The following CYREN variants were observed in gnomAD, a reference collection of about 807,000 sequenced individuals.
CYREN encodes cell cycle regulator of non-homologous end joining.
CYREN carries 7 observed loss-of-function variants against 9.7 expected under a neutral mutation model. That is an observed-to-expected ratio of 0.72 (90% CI 0.41 to 1.36). CYREN has a LOEUF of 1.36. Ranked by LOEUF, CYREN falls within the 40% of genes most tolerant of loss-of-function variation. CYREN has a pLI of 0.01. For missense variants in CYREN, 215 were observed against 198.1 expected, an observed-to-expected ratio of 1.09 and a Z score of -0.51; for synonymous variants, 76 against 77.9, an observed-to-expected ratio of 0.98 and a Z score of 0.13.
intron 2 of CYREN, among the ~76,000 whole-genome samples, chr7:135,157,857 C>A (rs1829833696): frequency 6.6e-6 from 1 of 152,140 alleles, no homozygotes; most frequent in South Asian, 2.1e-4. Context: ...ATTGTTAATT[C>A]AGACTGGTTA....
chr7:135,109,463 C>T (rs10227757), intron 2 of CYREN, among the ~76,000 whole-genome samples: 2,895 of 152,078 alleles, frequency 0.019, 104 homozygotes, highest in African/African-American at 0.065. Flanking sequence ...AGGATGGGGG[C>T]CCACATAACA....
intron 2 of CYREN, among the ~76,000 whole-genome samples, chr7:135,104,207 G>A (rs1167275170): frequency 6.6e-6 from 1 of 152,054 alleles, no homozygotes; most frequent in Admixed American, 6.6e-5. Context: ...TAAGGTTAAT[G>A]GCCTCCACCT....
chr7:135,156,561 TTTTA>T (rs1393004926), intron 2 of CYREN, among the ~76,000 whole-genome samples: 5 of 152,134 alleles, frequency 3.3e-5, no homozygotes. Context: ...TTCTGCTTGT[TTTTA>T]TTTAAGATGT....
chr7:135,131,551 G>T (rs1227807616), intron 2 of CYREN, among the ~76,000 whole-genome samples: 2 of 151,770 alleles, frequency 1.3e-5, no homozygotes, highest in Non-Finnish European at 2.9e-5. Context: ...TATAGCTAAA[G>T]CAGTACTGAT....
chr7:135,169,742 C>T (rs1484406050), intron 1 of CYREN, among the ~76,000 whole-genome samples: 1 of 152,180 alleles, frequency 6.6e-6, no homozygotes, highest in Admixed American at 6.5e-5. Flanking sequence ...GGAGTTGTGA[C>T]TCAGAGGGCC....
chr7:135,150,173 T>C (rs983297073), intron 2 of CYREN, among the ~76,000 whole-genome samples: 3 of 152,196 alleles, frequency 2.0e-5, no homozygotes, highest in Admixed American at 1.3e-4. Context: ...GGACCTAAAA[T>C]AGTTTTGTTT....
At chr7:135,124,671 A>G (rs1047668542) in intron 2 of CYREN, among the ~76,000 whole-genome samples, 2 of 152,242 alleles carry the variant, frequency 1.3e-5, no homozygotes, top group Non-Finnish European at 2.9e-5. Context: ...CAACAAATGC[A>G]AAAGAACTGA....
downstream of CYREN, chr7:135,164,485 T>A: frequency 1.2e-6 from 2 of 1,605,220 alleles, no homozygotes; most frequent in Non-Finnish European, 1.7e-6. Flanking sequence ...CTGCTGTTCA[T>A]GAGCATCATA....
At chr7:135,155,487 T>G (rs1316431134) in intron 2 of CYREN, among the ~76,000 whole-genome samples, 1 of 152,252 alleles carries the variant, frequency 6.6e-6, no homozygotes, top group Non-Finnish European at 1.5e-5. Context: ...ATGATTGTTT[T>G]ATACAAACTA....
At position 135,168,802 on chromosome 7, in the gene CYREN, G is replaced by A. The variant is rs1289777853; in HGVS notation, c.121C>T (p.Pro41Ser). Residue 41 changes from proline (P) to serine (S), a missense_variant, in exon 2 of 4, where the codon CCA (proline) becomes TCA (serine). Physicochemically the swap from Pro to Ser is moderately conservative, Grantham distance 74 (BLOSUM62 -1). Coordinates refer to ENST00000393114, the MANE Select transcript of CYREN (RefSeq NM_024033.4). ...CTGTCGCACCTTGCTGCTGCCACTG[G>A]CACTGCTGCCATTCTCATCCTCTTG... ...APKRMRMAAV[P>S]VAAARLPATR... The A allele has an allele frequency of 3.7e-6, 6 of 1,613,856 alleles. No homozygotes were observed. Among genetic ancestry groups the A allele is most frequent in the East Asian group, 4.5e-5 (2 of 44,868 alleles).
intron 2 of CYREN, among the ~76,000 whole-genome samples, chr7:135,096,747 GAAAGAAAGA>G (rs1464344536): frequency 1.3e-5 from 1 of 78,092 alleles, no homozygotes; most frequent in East Asian, 2.9e-4. Flanking sequence ...AAGAATGAAA[GAAAGAAAGA>G]AAGAAAGAAA....
At chr7:135,119,763 G>A (rs1458147099) in intron 2 of CYREN, among the ~76,000 whole-genome samples, 3 of 152,140 alleles carry the variant, frequency 2.0e-5, no homozygotes, top group African/African-American at 7.2e-5. Context: ...TGTAGTTCCA[G>A]CTACTCTGGA....
At chr7:135,167,405 G>A in intron 3 of CYREN, 1 of 1,158,278 alleles carries the variant, frequency 8.6e-7, no homozygotes, top group Non-Finnish European at 1.1e-6. Flanking sequence ...ACCCAACTGG[G>A]AACCTTTCCA....
At chr7:135,134,646 T>G (rs1183735324) in intron 2 of CYREN, among the ~76,000 whole-genome samples, 3 of 151,738 alleles carry the variant, frequency 2.0e-5, no homozygotes, top group Non-Finnish European at 4.4e-5. Flanking sequence ...CATTTAGAAA[T>G]ACAGGATTGG....
chr7:135,137,562 C>CA (rs1030323033), intron 2 of CYREN, among the ~76,000 whole-genome samples: 1 of 151,150 alleles, frequency 6.6e-6, no homozygotes, highest in East Asian at 1.9e-4. Flanking sequence ...TGATAAATAC[C>CA]AAAAAAATCA....
intron 2 of CYREN, among the ~76,000 whole-genome samples, chr7:135,114,128 T>C (rs560568774): frequency 6.6e-6 from 1 of 152,368 alleles, no homozygotes; most frequent in Admixed American, 6.5e-5. Context: ...CTTACACTGT[T>C]GGCTATTATG....
chr7:135,160,850 C>T (rs1376357530), downstream of CYREN, among the ~76,000 whole-genome samples: 1 of 152,064 alleles, frequency 6.6e-6, no homozygotes, highest in Admixed American at 6.5e-5. Flanking sequence ...TATAGCTAAA[C>T]CAGAGTGTGG....
At chr7:135,100,775 A>G (rs112616612) in intron 2 of CYREN, among the ~76,000 whole-genome samples, 23 of 152,342 alleles carry the variant, frequency 1.5e-4, no homozygotes, top group African/African-American at 5.3e-4. Context: ...ATATCAAGAC[A>G]AAAGAAGGTA....
At chr7:135,097,065 T>C (rs1823005550) in intron 2 of CYREN, among the ~76,000 whole-genome samples, 1 of 152,166 alleles carries the variant, frequency 6.6e-6, no homozygotes, top group African/African-American at 2.4e-5. Flanking sequence ...AACTGGTGAA[T>C]TTGCTTGGGC....
Sources: allele counts gnomAD v4.1 joint callset (sites outside exome capture counted in the v4.1 genomes callset), GRCh38; gene constraint gnomAD v4.1.1; transcripts MANE v1.5; gene names NCBI Gene and HGNC (gene_info 2026-07-23, HGNC 2026-07-21).